PPP1R7: variants seen among roughly 807,000 people sequenced by gnomAD.
PPP1R7 encodes protein phosphatase 1 regulatory subunit 7.
PPP1R7 carries 18 observed loss-of-function variants against 45.2 expected under a neutral mutation model. The observed-to-expected ratio is 0.40, with a 90% CI of 0.28 to 0.59. The LOEUF is 0.59. Ranked by LOEUF, PPP1R7 falls within the 20% of genes least tolerant of loss-of-function variation. PPP1R7 has a pLI of 0.46. For synonymous variants in PPP1R7, 181 were observed against 183.4 expected (o/e 0.99, Z 0.11); for missense variants, 314 against 455.8 (o/e 0.69, Z 2.83).
In PPP1R7 at chr2:241,166,326, C is replaced by A. The variant is rs748407195; in HGVS notation, c.715-11C>A. 1 of 1,609,146 alleles carries A rather than the reference C, an allele frequency of 6.2e-7. No homozygotes were observed. The highest frequency in any genetic ancestry group is 1.3e-5 in the African/African-American group (1 of 74,840). The stretch of plus-strand genomic sequence containing the variant: ...TACTGTTCTGACAGCTGTGTGCTCT[C>A]CCTCTTGCAGAGCAACCGGCTGACC... On this transcript the variant is annotated splice_polypyrimidine_tract_variant and intron_variant, in intron 7 of 9. Coordinates refer to ENST00000234038, the MANE Select transcript of PPP1R7 (RefSeq NM_002712.3).
intron 9 of PPP1R7, among the ~76,000 whole-genome samples, chr2:241,177,002 G>A (rs941450650): frequency 7.9e-5 from 12 of 152,158 alleles, no homozygotes; most frequent in East Asian, 1.9e-4. Flanking sequence ...AGGCTGAGAC[G>A]GGTGGGTCAC....
intron 9 of PPP1R7, among the ~76,000 whole-genome samples, chr2:241,181,997 T>C (rs2068014724): frequency 6.9e-6 from 1 of 145,410 alleles, no homozygotes; most frequent in Non-Finnish European, 1.5e-5. Context: ...AGCGAGACTC[T>C]GTCTCAAAAA....
At chr2:241,154,709 A>G (rs1469858431) in intron 2 of PPP1R7, among the ~76,000 whole-genome samples, 1 of 152,184 alleles carries the variant, frequency 6.6e-6, no homozygotes, top group Non-Finnish European at 1.5e-5. Flanking sequence ...TCTCAAAACA[A>G]AAAAGTTTCT....
rs189613557 is a variant in PPP1R7 at position 241,173,101 on chromosome 2, G to A, written c.906+3234G>A. Reference sequence around the variant, plus strand: ...AACCTGACCAACATGGCGAAACCCCGTCTCAACTAAAAATTCAAAAATTAG... The same window carrying A: ...AACCTGACCAACATGGCGAAACCCCATCTCAACTAAAAATTCAAAAATTAG... On this transcript the variant is annotated intron_variant, in intron 9 of 9. Coordinates refer to ENST00000234038, the MANE Select transcript of PPP1R7 (RefSeq NM_002712.3). Among the ~76,000 whole-genome samples the A allele has an allele frequency of 2.2e-3, 341 of 151,804 alleles. 2 individuals are homozygous for A. The highest frequency in any genetic ancestry group is 3.7e-3 in the Non-Finnish European group (252 of 67,930).
intron 9 of PPP1R7, among the ~76,000 whole-genome samples, chr2:241,180,950 G>A (rs1035981665): frequency 1.3e-5 from 2 of 152,218 alleles, no homozygotes; most frequent in African/African-American, 4.8e-5. Flanking sequence ...TGTAATCCCA[G>A]CACTTTGGGA....
chr2:241,149,672 G>A (rs767323000), upstream of PPP1R7: 3 of 1,546,796 alleles, frequency 1.9e-6, no homozygotes, highest in Non-Finnish European at 8.7e-7. Context: ...CCCGGGCCGG[G>A]CAGATGCGGT....
chr2:241,167,939 G>C (rs1019421529), intron 8 of PPP1R7, among the ~76,000 whole-genome samples: 1 of 152,030 alleles, frequency 6.6e-6, no homozygotes. Flanking sequence ...ATGTAGTTTT[G>C]TCCCAGGTGG....
chr2:241,149,700 T>C (rs778244242), upstream of PPP1R7: 5 of 1,551,154 alleles, frequency 3.2e-6, no homozygotes, highest in Non-Finnish European at 3.5e-6. Context: ...CGACTCGCGA[T>C]CAAAATGGGT....
chr2:241,181,288 A>T (rs536606932), intron 9 of PPP1R7, among the ~76,000 whole-genome samples: 1 of 152,282 alleles, frequency 6.6e-6, no homozygotes, highest in South Asian at 2.1e-4. Flanking sequence ...ACGGTAAGTT[A>T]CTAAAGACAG....
chr2:241,152,850 G>GGT (rs2067355745), intron 1 of PPP1R7, among the ~76,000 whole-genome samples: 1 of 152,164 alleles, frequency 6.6e-6, no homozygotes, highest in Admixed American at 6.5e-5. Context: ...AAATATTTAT[G>GGT]AACCTTTAAA....
intron 3 of PPP1R7, 135 bp from the exon 4 acceptor site, chr2:241,158,349 C>A: frequency 1.3e-6 from 1 of 756,378 alleles, no homozygotes; most frequent in Admixed American, 2.0e-5. Context: ...CACCTTGTCA[C>A]TGACATCTGT....
chr2:241,159,889 AGAAG>A lies in PPP1R7; in HGVS notation c.435-440_435-437del, dbSNP rs113375602. Among the ~76,000 whole-genome samples the A allele has an allele frequency of 1.3e-3, 197 of 152,306 alleles. 2 individuals carry two copies. Among genetic ancestry groups the A allele is most frequent in the African/African-American group, 4.5e-3 (185 of 41,562 alleles). ...CAAAAATTAAAATTAAAATTAAAAA[AGAAG>A]GAGCCAGGTCCTAGTTATAACTTTA... On this transcript the variant is annotated intron_variant, in intron 5 of 9. Coordinates refer to ENST00000234038, the MANE Select transcript of PPP1R7 (RefSeq NM_002712.3).
In PPP1R7 at chr2:241,183,274, G is replaced by T. The variant is rs1332014511; in HGVS notation, c.*451G>T. The T allele has an allele frequency of 4.9e-6, 2 of 408,478 alleles. No individual in the cohort carries two copies. The highest frequency in any genetic ancestry group is 1.0e-5 in the Non-Finnish European group (2 of 199,450). 25.3% of individuals were successfully genotyped at this position (408,478 alleles called of 1,614,324 possible). On this transcript the variant is annotated 3_prime_UTR_variant, in exon 10 of 10. Coordinates refer to ENST00000234038, the MANE Select transcript of PPP1R7 (RefSeq NM_002712.3). ...GGCAGTCTTGACCTGCAACAACCGA[G>T]GTTTTTTAGTCTTTTAACCCAGCCA...
chr2:241,175,344 C>T (rs1311516309), intron 9 of PPP1R7, among the ~76,000 whole-genome samples: 1 of 152,180 alleles, frequency 6.6e-6, no homozygotes, highest in Non-Finnish European at 1.5e-5. Context: ...TCCCTATTTT[C>T]CCCTTCCCAG....
chr2:241,153,372 C>A, intron 1 of PPP1R7, 104 bp from the exon 2 acceptor site: 1 of 1,474,346 alleles, frequency 6.8e-7, no homozygotes, highest in Non-Finnish European at 9.3e-7. Flanking sequence ...ATTCAACAAA[C>A]ATGTTTAAAT....
chr2:241,182,846 G>C lies in PPP1R7; in HGVS notation c.*23G>C. On this transcript the variant is annotated 3_prime_UTR_variant, in exon 10 of 10. Transcript: ENST00000234038. ...TGAGTCCTTCTTGGCTCCTCATGTG[G>C]TCCCTCTCCTCGGAAGAACTGCCCA... 2 of 1,598,966 alleles carry C rather than the reference G, an allele frequency of 1.3e-6. No individual in the cohort carries two copies. The highest frequency in any genetic ancestry group is 1.7e-6 in the Non-Finnish European group (2 of 1,167,644).
At chr2:241,160,237 C>T (rs1423870343) in intron 5 of PPP1R7, 95 bp from the exon 6 acceptor site, 1 of 1,039,252 alleles carries the variant, frequency 9.6e-7, no homozygotes, top group Admixed American at 3.0e-5. Context: ...ACTGCCGTCC[C>T]CTGATGGGGA....
intron 9 of PPP1R7, among the ~76,000 whole-genome samples, chr2:241,181,258 C>T (rs1309105220): frequency 6.6e-6 from 1 of 152,158 alleles, no homozygotes; most frequent in East Asian, 1.9e-4. Context: ...TTATATTCCT[C>T]TCTGGGAAGC....
intron 2 of PPP1R7, among the ~76,000 whole-genome samples, chr2:241,154,221 C>T (rs185057213): frequency 8.0e-5 from 12 of 149,420 alleles, no homozygotes; most frequent in Non-Finnish European, 1.5e-4. Flanking sequence ...AGAAAAGAAC[C>T]GCAATATTGT....
Sources: allele counts gnomAD v4.1 joint callset (sites outside exome capture counted in the v4.1 genomes callset), GRCh38; gene constraint gnomAD v4.1.1; transcripts MANE v1.5; gene names NCBI Gene and HGNC (gene_info 2026-07-23, HGNC 2026-07-21).